Variants in LAMA1 observed in about 807,000 individuals in gnomAD.
LAMA1 encodes laminin subunit alpha-1.
In LAMA1, 219 loss-of-function variants were observed where a neutral mutation model predicts 348.7. The ratio of observed to expected loss-of-function variants is 0.63; its 90% CI spans 0.56 to 0.70. The LOEUF is 0.70. Among genes scored for constraint, LAMA1 ranks in the 30% least tolerant of loss-of-function variants. The pLI, the probability that LAMA1 is intolerant of heterozygous loss-of-function variation, is 0.00. For missense variants in LAMA1, 3,744 were observed against 3,888.0 expected (o/e 0.96, Z 0.99); for synonymous variants, 1,487 against 1,491.0 (o/e 1.00, Z 0.06).
intron 6 of LAMA1, among the ~76,000 whole-genome samples, chr18:7,045,398 A>T (rs2058037745): frequency 6.6e-6 from 1 of 152,154 alleles, no homozygotes; most frequent in Admixed American, 6.5e-5. Context: ...TGAACCCAGG[A>T]TGCGGAGGTT....
chr18:6,950,982 C>T lies in LAMA1; in HGVS notation c.8208-11G>A. ...AGCTCAACCGAGAGCCTGGGGAAAA[C>T]AAGTGCTCAGCGTTGAGAAAGGAAA... On this transcript the variant is annotated splice_polypyrimidine_tract_variant and intron_variant, in intron 57 of 62. Coordinates refer to ENST00000389658, the MANE Select transcript of LAMA1 (RefSeq NM_005559.4). 1 of 1,612,782 alleles carries T rather than the reference C, an allele frequency of 6.2e-7. No homozygotes were observed. The highest frequency in any genetic ancestry group is 8.5e-7 in the Non-Finnish European group (1 of 1,179,556).
intron 5 of LAMA1, among the ~76,000 whole-genome samples, chr18:7,047,035 G>T (rs1402835372): frequency 6.7e-6 from 1 of 148,674 alleles, no homozygotes; most frequent in Non-Finnish European, 1.5e-5. Context: ...TACTATGTGT[G>T]CCTTGATTTC....
At chr18:6,964,914 A>C (rs914118783) in intron 50 of LAMA1, 111 bp from the exon 51 acceptor site, 3 of 1,235,754 alleles carry the variant, frequency 2.4e-6, no homozygotes. Context: ...ATTCTTTTAG[A>C]TTCTGCGAAT....
chr18:7,002,371 G>T lies in LAMA1; in HGVS notation c.4275C>A (p.Asn1425Lys). The T allele has an allele frequency of 7.4e-6, 12 of 1,613,632 alleles. No individual in the cohort carries two copies. The highest frequency in any genetic ancestry group is 1.0e-5 in the Non-Finnish European group (12 of 1,180,028). ...ACACATCACAATGGTCACCTGCTGT[G>T]TTATCGCCACAGTTCTGGGAGCCCA... Reference protein sequence around the residue: ...NTGKCLNCGDNTAGDHCDVCT... With the variant: ...NTGKCLNCGDKTAGDHCDVCT... The change falls in exon 30 of 63, where the codon AAC (asparagine) becomes AAA (lysine). Residue 1425 changes from asparagine (N) to lysine (K), a missense_variant. This residue lies in a region of LAMA1 where 1,983 missense variants were observed against 1,934.3 expected (regional missense o/e 1.03). Coordinates refer to ENST00000389658, the MANE Select transcript of LAMA1 (RefSeq NM_005559.4).
chr18:7,048,136 G>A (rs762341152), intron 5 of LAMA1, among the ~76,000 whole-genome samples: 1 of 152,114 alleles, frequency 6.6e-6, no homozygotes, highest in Admixed American at 6.5e-5. Flanking sequence ...TGAAGGATTC[G>A]TATACAAAAT....
chr18:7,108,186 A>T (rs1025881283), intron 1 of LAMA1, among the ~76,000 whole-genome samples: 6 of 151,242 alleles, frequency 4.0e-5, no homozygotes, highest in Non-Finnish European at 8.8e-5. Context: ...AAATACAAAA[A>T]TTAGCCAGGC....
At chr18:6,948,677 T>G in intron 59 of LAMA1, 121 bp from the exon 60 acceptor site, 1 of 1,124,426 alleles carries the variant, frequency 8.9e-7, no homozygotes, top group Non-Finnish European at 1.3e-6. Context: ...AATCTTTTTG[T>G]TTTAAAACTT....
chr18:7,010,978 C>T (rs560041075), intron 25 of LAMA1, among the ~76,000 whole-genome samples: 2 of 152,178 alleles, frequency 1.3e-5, no homozygotes, highest in Admixed American at 6.5e-5. Context: ...TAATAACTTT[C>T]GCACCTAATG....
At chr18:7,052,553 C>A (rs556581131) in intron 3 of LAMA1, among the ~76,000 whole-genome samples, 2 of 151,950 alleles carry the variant, frequency 1.3e-5, no homozygotes, top group South Asian at 4.2e-4. Flanking sequence ...ACGGTGAAAC[C>A]ACACCTCTAC....
At position 6,964,651 on chromosome 18, in the gene LAMA1, G is replaced by GT. The variant is rs766428203; in HGVS notation, c.7337+10dup. 3.1e-6 allele frequency: 5 copies of GT among 1,614,040 alleles called. No individual in the cohort carries two copies. In the African/African-American group the frequency reaches 6.7e-5, roughly 22 times the overall value. On this transcript the variant is annotated intron_variant, in intron 51 of 62. Coordinates refer to ENST00000389658, the MANE Select transcript of LAMA1 (RefSeq NM_005559.4). ...AAATCAGCGACATGAAAATTCTGCA[G>GT]TTTAATATACCTTACAACTCTTGAC...
intron 6 of LAMA1, among the ~76,000 whole-genome samples, chr18:7,045,789 C>G (rs764740058): frequency 5.1e-4 from 78 of 152,006 alleles, no homozygotes; most frequent in Non-Finnish European, 1.0e-3. Flanking sequence ...AAATTCCTAG[C>G]CTCAAGTGAT....
At chr18:7,002,716 T>A (rs559366986) in intron 29 of LAMA1, among the ~76,000 whole-genome samples, 1 of 152,208 alleles carries the variant, frequency 6.6e-6, no homozygotes, top group South Asian at 2.1e-4. Context: ...AAAAACAATT[T>A]GAAGCACCAG....
At chr18:7,108,086 C>T (rs1212746908) in intron 1 of LAMA1, among the ~76,000 whole-genome samples, 1 of 135,914 alleles carries the variant, frequency 7.4e-6, no homozygotes, top group Non-Finnish European at 1.6e-5. Flanking sequence ...ACCTCTAATC[C>T]CAGCACTTTG....
chr18:6,949,463 C>G (rs1190434462), intron 58 of LAMA1, among the ~76,000 whole-genome samples: 1 of 152,162 alleles, frequency 6.6e-6, no homozygotes, highest in East Asian at 1.9e-4. Flanking sequence ...ATGAAACTGC[C>G]TTTGCAAAAA....
At chr18:7,023,478 G>T in intron 18 of LAMA1, 103 bp from the exon 19 acceptor site, 2 of 936,342 alleles carry the variant, frequency 2.1e-6, no homozygotes, top group Non-Finnish European at 3.4e-6. Context: ...GACGGACTCT[G>T]TTCCCTGAGA....
At chr18:7,000,519 G>A (rs1033277737) in intron 30 of LAMA1, among the ~76,000 whole-genome samples, 3 of 152,248 alleles carry the variant, frequency 2.0e-5, no homozygotes, top group African/African-American at 7.2e-5. Context: ...AAGGCAGGCA[G>A]GGAGTTATGT....
chr18:7,065,892 A>G (rs1241089999), intron 3 of LAMA1, among the ~76,000 whole-genome samples: 2 of 152,242 alleles, frequency 1.3e-5, no homozygotes, highest in Non-Finnish European at 2.9e-5. Flanking sequence ...CGAAACAGTC[A>G]GGCCAGAGCG....
At chr18:6,976,585 CTTATA>C (rs2057683160) in intron 44 of LAMA1, among the ~76,000 whole-genome samples, 1 of 147,570 alleles carries the variant, frequency 6.8e-6, no homozygotes, top group Non-Finnish European at 1.5e-5. Flanking sequence ...ATTCCTTGGG[CTTATA>C]TTTATTTATT....
chr18:6,966,813 GACCCATAT>G (rs1292257843), intron 48 of LAMA1, among the ~76,000 whole-genome samples: 3 of 152,158 alleles, frequency 2.0e-5, no homozygotes, highest in African/African-American at 7.2e-5. Flanking sequence ...TGAGCTTAAA[GACCCATAT>G]CATACTTAGA....
Sources: allele counts gnomAD v4.1 joint callset (sites outside exome capture counted in the v4.1 genomes callset), GRCh38; gene constraint gnomAD v4.1.1; regional missense constraint gnomAD v4.1.1; transcripts MANE v1.5; gene names NCBI Gene and HGNC (gene_info 2026-07-23, HGNC 2026-07-21).